PRKD2: variants seen among roughly 807,000 people sequenced by gnomAD.
PRKD2 encodes protein kinase D2, also known as serine/threonine-protein kinase D2.
A neutral mutation model predicts 86.0 loss-of-function variants in PRKD2; 22 were observed. The ratio of observed to expected loss-of-function variants is 0.26; its 90% confidence interval spans 0.18 to 0.37. The LOEUF (loss-of-function observed/expected upper bound fraction) is 0.37, where lower values mean the gene tolerates loss of function less well. Among genes scored for constraint, PRKD2 ranks in the 10% least tolerant of loss-of-function variants. The probability of loss-of-function intolerance (pLI) is 1.00; values close to 1 mark genes in which losing one functional copy is unlikely to be tolerated. For synonymous variants in PRKD2, 509 were observed against 510.9 expected, an observed-to-expected ratio of 1.00 and a Z score of 0.05; for missense variants, 818 against 1,199.2, an observed-to-expected ratio of 0.68 and a Z score of 4.70.
chr19:46,709,524 G>A (rs1260686123), intron 3 of PRKD2, among the ~76,000 whole-genome samples: 1 of 151,680 alleles, frequency 6.6e-6, no homozygotes. Flanking sequence ...CCAACACGCC[G>A]GCTTTTTTGT....
rs2053512382 is a variant in PRKD2, at chr19:46,693,542, T to C, written c.1576+333A>G. On this transcript the variant is annotated intron_variant, in intron 10 of 17. Coordinates refer to ENST00000291281, the MANE Select transcript of PRKD2 (RefSeq NM_016457.5). This position sits in a 1 kb window ranked among gnomAD's most constrained non-coding sequence, Gnocchi z 4.5. ...ACTCACTACTCCCAGGCTCAAGCAA[T>C]TCTCCTGCCTCAGCCTTCCAAGTAC... is the stretch of plus-strand genomic sequence containing the variant. Among the ~76,000 whole-genome samples, 1 of 152,090 alleles carries C rather than the reference T, an allele frequency of 6.6e-6. No homozygotes were observed.
intron 16 of PRKD2, among the ~76,000 whole-genome samples, chr19:46,675,781 T>A (rs1476650839): frequency 6.6e-6 from 1 of 151,786 alleles, no homozygotes; most frequent in Admixed American, 6.6e-5. Flanking sequence ...TCCTTTTTTT[T>A]TTTTGAGACA....
intron 3 of PRKD2, among the ~76,000 whole-genome samples, chr19:46,705,083 C>T (rs548922169): frequency 5.4e-4 from 82 of 152,132 alleles, no homozygotes; most frequent in Non-Finnish European, 7.4e-5. Context: ...CTCCAAAGCT[C>T]CACCCCTAGT....
intron 2 of PRKD2, among the ~76,000 whole-genome samples, chr19:46,713,397 C>T (rs1037247944): frequency 5.3e-5 from 8 of 151,990 alleles, no homozygotes; most frequent in Admixed American, 3.3e-4. Context: ...CCTCTTTTCC[C>T]CCTTCTAACT....
In PRKD2 at chr19:46,693,441, G is replaced by T. The variant is rs1239355391; in HGVS notation, c.1576+434C>A. Among the ~76,000 whole-genome samples the T allele has an allele frequency of 6.6e-6, 1 of 152,108 alleles. No individual in the cohort carries two copies. The highest frequency in any genetic ancestry group is 1.9e-4 in the East Asian group (1 of 5,168). On this transcript the variant is annotated intron_variant, in intron 10 of 17. Coordinates refer to ENST00000291281, the MANE Select transcript of PRKD2 (RefSeq NM_016457.5). This position sits in a 1 kb window ranked among gnomAD's most constrained non-coding sequence, Gnocchi z 4.5. ...TAACAGAGATTTGTTGTGGATTTTTGTTGTTGTTGTTTTTTCTGTTTTGGA... is the reference window on the plus strand; with the variant it reads ...TAACAGAGATTTGTTGTGGATTTTTTTTGTTGTTGTTTTTTCTGTTTTGGA...
chr19:46,676,274 A>C (rs2053200799), intron 16 of PRKD2, among the ~76,000 whole-genome samples: 1 of 152,054 alleles, frequency 6.6e-6, no homozygotes, highest in African/African-American at 2.4e-5. Flanking sequence ...TAAAAATACA[A>C]AAAATTAGCT....
chr19:46,695,820 G>A (rs2053549726), intron 9 of PRKD2, among the ~76,000 whole-genome samples: 2 of 152,050 alleles, frequency 1.3e-5, no homozygotes, highest in Admixed American at 1.3e-4. Context: ...GGGGCATGGT[G>A]AGGACAGCAT....
intron 14 of PRKD2, among the ~76,000 whole-genome samples, chr19:46,684,426 A>C (rs887872916): frequency 6.6e-6 from 1 of 152,052 alleles, no homozygotes; most frequent in Non-Finnish European, 1.5e-5. Flanking sequence ...GGTTCAAGCA[A>C]TTCTTGTGCC....
In PRKD2 at chr19:46,697,082, G is replaced by C; in HGVS notation, c.1317+75C>G. The C allele has an allele frequency of 1.7e-5, 20 of 1,174,984 alleles. No individual in the cohort carries two copies. In the South Asian group the frequency reaches 1.7e-4, roughly 10 times the overall value. The allele number at this position is 1,174,984 out of a possible 1,614,324, so 72.8% of individuals were successfully genotyped here. A position where few individuals can be genotyped will look rare whatever the true frequency, so the allele number is the denominator to read the frequency against. On this transcript the variant is annotated intron_variant, in intron 9 of 17. Transcript: ENST00000291281. Reference sequence around the variant, plus strand: ...TTTGCAGGATCTGTCTGGAGTAACTGGGGGTAGGAGGAGGTGTGGGAAAGT... The same window carrying C: ...TTTGCAGGATCTGTCTGGAGTAACTCGGGGTAGGAGGAGGTGTGGGAAAGT...
chr19:46,675,023 C>T lies in PRKD2; in HGVS notation c.2424+10G>A, dbSNP rs753519006. 1.3e-4 allele frequency: 208 copies of T among 1,600,150 alleles called. No homozygotes were observed. Among genetic ancestry groups the T allele is most frequent in the Non-Finnish European group, 1.7e-4 (197 of 1,171,720 alleles). On this transcript the variant is annotated intron_variant, in intron 17 of 17. Transcript: ENST00000291281. The stretch of plus-strand genomic sequence containing the variant: ...TCCAGCCAATGGGCCAGCCCTGCCC[C>T]CTGCATCACCTGTAACCAGGGGTGG...
rs376804861 is a variant in PRKD2 at position 46,716,297 on chromosome 19, C to T, written c.74G>A (p.Gly25Asp). The change falls in exon 1 of 18, where the codon GGC (glycine) becomes GAC (aspartate). Residue 25 changes from glycine to aspartate, a missense_variant. Gly to Asp is a moderately conservative substitution (Grantham distance 94). This residue lies in a region of PRKD2 where 403 missense variants were observed against 518.6 expected (regional missense o/e 0.78). Coordinates refer to ENST00000291281, the MANE Select transcript of PRKD2 (RefSeq NM_016457.5). The surrounding 1 kb of genome is among the most constrained non-coding windows in gnomAD (Gnocchi z 7.9). ...PGPGSPPPPGGLELQSPPPLL... is the reference protein window; with the variant it reads ...PGPGSPPPPGDLELQSPPPLL... ...CGGTGGCGGCGACTGCAGCTCTAGG[C>T]CGCCGGGGGGCGGAGGAGACCCCGG... is the stretch of plus-strand genomic sequence containing the variant. The T allele has an allele frequency of 1.5e-5, 23 of 1,547,184 alleles. No individual in the cohort carries two copies. The highest frequency in any genetic ancestry group is 1.7e-5 in the Non-Finnish European group (20 of 1,148,770).
In PRKD2 at chr19:46,710,926, G is replaced by C; in HGVS notation, c.492C>G (p.Arg164=). 6.3e-7 allele frequency: 1 copy of C among 1,576,550 alleles called. No individual in the cohort carries two copies. Among genetic ancestry groups the C allele is most frequent in the Non-Finnish European group, 8.6e-7 (1 of 1,160,946 alleles). Reference sequence around the variant, plus strand: ...TCTCACCATCGCACTTGAGGCCCTGGCGCACTAGGCCGAAGAGCATCTCCC... The same window carrying C: ...TCTCACCATCGCACTTGAGGCCCTGCCGCACTAGGCCGAAGAGCATCTCCC... ...HCGEMLFGLV[R]QGLKCDGCGL... The change falls in exon 3 of 18, where the codon CGC becomes CGG. Residue 164 remains arginine (R), a synonymous_variant. Coordinates refer to ENST00000291281, the MANE Select transcript of PRKD2 (RefSeq NM_016457.5).
Position 46,697,184 on chromosome 19 carries a change from C to T in PRKD2, c.1290G>A (p.Gln430=), listed in dbSNP as rs760970123. 1 of 1,596,724 alleles carries T rather than the reference C, an allele frequency of 6.3e-7. No individual in the cohort carries two copies. Among genetic ancestry groups the T allele is most frequent in the Non-Finnish European group, 8.6e-7 (1 of 1,164,308 alleles). Residue 430 remains glutamine (Q), a synonymous_variant, in exon 9 of 18, where the codon CAG becomes CAA. Coordinates refer to ENST00000291281, the MANE Select transcript of PRKD2 (RefSeq NM_016457.5). ...TATAGTATCTGTTGGTCGTGTTGTTCTGGAAGAGCGTGATACACTTGCAGT... is the reference window on the plus strand; with the variant it reads ...TATAGTATCTGTTGGTCGTGTTGTTTTGGAAGAGCGTGATACACTTGCAGT... ...RLDCKCITLF[Q]NNTTNRYYKE...
intron 14 of PRKD2, among the ~76,000 whole-genome samples, chr19:46,684,181 T>A (rs7250264): frequency 0.52 from 79,037 of 151,822 alleles, 20,867 homozygotes; most frequent in Middle Eastern, 0.61. Flanking sequence ...AGGCTGGTCT[T>A]AAACTCCTGG....
intron 9 of PRKD2, among the ~76,000 whole-genome samples, 199 bp downstream of exon 9, chr19:46,696,958 G>A (rs1247084475): frequency 1.3e-5 from 2 of 152,050 alleles, no homozygotes; most frequent in Non-Finnish European, 2.9e-5. Context: ...GAACCTGCCC[G>A]GAGTCCCCCT....
Position 46,693,896 on chromosome 19 carries a change from C to T in PRKD2, c.1555G>A (p.Ala519Thr), listed in dbSNP as rs1473416821. The T allele has an allele frequency of 6.9e-6, 11 of 1,603,514 alleles. No homozygotes were observed. Among genetic ancestry groups the T allele is most frequent in the African/African-American group, 2.7e-5 (2 of 74,962 alleles). The change falls in exon 10 of 18, where the codon GCC (alanine) becomes ACC (threonine). Residue 519 changes from alanine to threonine, a missense_variant. Ala to Thr is a moderately conservative substitution (Grantham distance 58). Transcript: ENST00000291281. The surrounding 1 kb of genome is among the most constrained non-coding windows in gnomAD (Gnocchi z 4.5). Reference protein sequence around the residue: ...MPVILQDAPSAPGHAPHRQAS... With the variant: ...MPVILQDAPSTPGHAPHRQAS... ...TTACTGTGGGGCGCGTGGCCTGGGGCGCTGGGTGCGTCCTGAAGGATGACG... is the reference window on the plus strand; with the variant it reads ...TTACTGTGGGGCGCGTGGCCTGGGGTGCTGGGTGCGTCCTGAAGGATGACG...
intron 14 of PRKD2, 89 bp from the exon 15 acceptor site, chr19:46,681,837 TA>T: frequency 1.5e-6 from 1 of 657,352 alleles, no homozygotes; most frequent in Non-Finnish European, 2.5e-6. Context: ...AACCCATCCA[TA>T]CTTTTTTTTT....
intron 7 of PRKD2, among the ~76,000 whole-genome samples, chr19:46,699,662 T>C (rs963979475): frequency 1.3e-5 from 2 of 152,094 alleles, no homozygotes; most frequent in African/African-American, 4.8e-5. Context: ...CACACCCAGA[T>C]AGGAAGTGCC....
At chr19:46,692,513 C>G (rs1004402462) in intron 10 of PRKD2, among the ~76,000 whole-genome samples, 2 of 151,690 alleles carry the variant, frequency 1.3e-5, no homozygotes, top group African/African-American at 4.8e-5. Flanking sequence ...AGCCCCTTCC[C>G]TGGTCTCCTT....
Sources: allele counts gnomAD v4.1 joint callset (sites outside exome capture counted in the v4.1 genomes callset), GRCh38; gene constraint gnomAD v4.1.1; regional missense constraint gnomAD v4.1.1; non-coding constraint Gnocchi (gnomAD v3.1); transcripts MANE v1.5; gene names NCBI Gene and HGNC (gene_info 2026-07-23, HGNC 2026-07-21).